Variants in ACAP2 observed in about 807,000 individuals in gnomAD.
The protein encoded by ACAP2 is arf-GAP with coiled-coil, ANK repeat and PH domain-containing protein 2.
ACAP2 carries 39 observed loss-of-function variants against 115.8 expected under a neutral mutation model. That is an observed-to-expected ratio of 0.34 (90% CI 0.26 to 0.44). The LOEUF (loss-of-function observed/expected upper bound fraction) is 0.44, where lower values mean the gene tolerates loss of function less well. ACAP2 is among the 20% of genes least tolerant of loss of function. The probability of loss-of-function intolerance (pLI) is 1.00; values close to 1 mark genes in which losing one functional copy is unlikely to be tolerated. For missense variants in ACAP2, 662 were observed against 927.6 expected (o/e 0.71, Z 3.72); for synonymous variants, 289 against 315.8 (o/e 0.92, Z 0.90).
chr3:195,320,201 C>G (rs1729359938), intron 10 of ACAP2, among the ~76,000 whole-genome samples: 1 of 152,114 alleles, frequency 6.6e-6, no homozygotes, highest in Non-Finnish European at 1.5e-5. Flanking sequence ...TTATAAATTA[C>G]CCAGTCTCAG....
At chr3:195,407,245 C>G (rs912933586) in intron 1 of ACAP2, among the ~76,000 whole-genome samples, 1 of 150,204 alleles carries the variant, frequency 6.7e-6, no homozygotes, top group Non-Finnish European at 1.5e-5. Flanking sequence ...TGTCTATAAT[C>G]CCAGCACTTT....
At chr3:195,397,623 C>T (rs1270998089) in intron 1 of ACAP2, among the ~76,000 whole-genome samples, 1 of 150,786 alleles carries the variant, frequency 6.6e-6, no homozygotes, top group Non-Finnish European at 1.5e-5. Context: ...AAAAAGAAAA[C>T]TTCTTGTGTT....
intron 1 of ACAP2, among the ~76,000 whole-genome samples, chr3:195,398,548 A>G (rs1712000372): frequency 6.6e-6 from 1 of 151,974 alleles, no homozygotes; most frequent in South Asian, 2.1e-4. Context: ...GAGGCAGGAG[A>G]ATCACTTGAA....
intron 4 of ACAP2, among the ~76,000 whole-genome samples, chr3:195,363,473 T>G (rs912838148): frequency 6.6e-6 from 1 of 151,986 alleles, no homozygotes; most frequent in Non-Finnish European, 1.5e-5. Flanking sequence ...AGAAACTCCG[T>G]CTCTACTAAA....
chr3:195,339,678 A>C (rs1053333340), intron 6 of ACAP2, among the ~76,000 whole-genome samples: 1 of 152,044 alleles, frequency 6.6e-6, no homozygotes, highest in African/African-American at 2.4e-5. Flanking sequence ...CATCAGAAAA[A>C]TCAAACAAAC....
chr3:195,421,153 G>T (rs921522277), intron 1 of ACAP2, among the ~76,000 whole-genome samples: 4 of 152,048 alleles, frequency 2.6e-5, no homozygotes, highest in African/African-American at 9.7e-5. Flanking sequence ...TTAGAACAGT[G>T]GTCCTTAAAG....
intron 1 of ACAP2, among the ~76,000 whole-genome samples, chr3:195,441,626 C>A (rs576286880): frequency 6.6e-6 from 1 of 152,316 alleles, no homozygotes; most frequent in South Asian, 2.1e-4. Flanking sequence ...GCAGAGGATG[C>A]AATTTACAAT....
chr3:195,372,353 T>C (rs73080808), intron 4 of ACAP2, among the ~76,000 whole-genome samples: 2,245 of 152,298 alleles, frequency 0.015, 54 homozygotes, highest in African/African-American at 0.051. Context: ...TTTTTCATTC[T>C]GAGTGAAGCT....
At chr3:195,387,605 G>A (rs1734389784) in intron 2 of ACAP2, among the ~76,000 whole-genome samples, 1 of 152,074 alleles carries the variant, frequency 6.6e-6, no homozygotes, top group African/African-American at 2.4e-5. Context: ...CCACGCCAGG[G>A]GCACCATACC....
chr3:195,280,737 C>G (rs1338730175), intron 22 of ACAP2: 3 of 152,100 alleles, frequency 2.0e-5, no homozygotes, highest in Non-Finnish European at 4.4e-5. Flanking sequence ...ACATACAGAT[C>G]AATCCCTCAG....
At chr3:195,285,722 C>T (rs1281078149) in intron 22 of ACAP2, 74 bp downstream of exon 22, 9 of 1,210,770 alleles carry the variant, frequency 7.4e-6, no homozygotes, top group Admixed American at 2.1e-5. Flanking sequence ...ATGAATCTTC[C>T]AGTTGTAAAC....
intron 8 of ACAP2, among the ~76,000 whole-genome samples, chr3:195,331,001 T>C (rs1197902917): frequency 6.6e-6 from 1 of 152,236 alleles, no homozygotes; most frequent in Non-Finnish European, 1.5e-5. Flanking sequence ...CACCATACCA[T>C]GTCTTTGACT....
intron 1 of ACAP2, among the ~76,000 whole-genome samples, chr3:195,423,062 T>C (rs1399641768): frequency 1.3e-5 from 2 of 152,186 alleles, no homozygotes; most frequent in Non-Finnish European, 2.9e-5. Context: ...AATGGGAACA[T>C]TTCAACATGA....
intron 4 of ACAP2, 112 bp downstream of exon 4, chr3:195,380,897 G>A (rs768961425): frequency 1.2e-5 from 11 of 942,680 alleles, no homozygotes; most frequent in Admixed American, 6.0e-5. Context: ...AAAAGTTGAC[G>A]ACCAATCAAA....
intron 4 of ACAP2, among the ~76,000 whole-genome samples, chr3:195,354,399 A>G (rs1731815179): frequency 6.6e-6 from 1 of 152,136 alleles, no homozygotes; most frequent in Non-Finnish European, 1.5e-5. Flanking sequence ...GGTATATCTC[A>G]TTGTGGTTTT....
chr3:195,429,203 C>A (rs1423662169), intron 1 of ACAP2, among the ~76,000 whole-genome samples: 1 of 151,896 alleles, frequency 6.6e-6, no homozygotes, highest in East Asian at 1.9e-4. Flanking sequence ...GCCTGGCCAA[C>A]ATGATAAAAC....
chr3:195,348,944 C>G (rs1334007201), intron 4 of ACAP2, among the ~76,000 whole-genome samples: 1 of 152,048 alleles, frequency 6.6e-6, no homozygotes, highest in South Asian at 2.1e-4. Context: ...CAACATTACA[C>G]TAGAAATTCT....
chr3:195,313,559 G>A (rs1326700564), intron 10 of ACAP2, among the ~76,000 whole-genome samples: 6 of 152,218 alleles, frequency 3.9e-5, no homozygotes, highest in African/African-American at 7.2e-5. Context: ...CCACACATAC[G>A]TAGTATTAAT....
chr3:195,405,774 T>C (rs1422282139), intron 1 of ACAP2, among the ~76,000 whole-genome samples: 1 of 151,852 alleles, frequency 6.6e-6, no homozygotes, highest in Non-Finnish European at 1.5e-5. Flanking sequence ...ATAGGAAGCA[T>C]GATAGTGGCT....
Sources: allele counts gnomAD v4.1 joint callset (sites outside exome capture counted in the v4.1 genomes callset), GRCh38; gene constraint gnomAD v4.1.1; transcripts MANE v1.5; gene names NCBI Gene and HGNC (gene_info 2026-07-23, HGNC 2026-07-21).